CASP1: variants seen among roughly 807,000 people sequenced by gnomAD.
CASP1 encodes the protein caspase 1.
CASP1 carries 31 observed loss-of-function variants against 41.2 expected under a neutral mutation model. The ratio of observed to expected loss-of-function variants is 0.75; its 90% CI spans 0.57 to 1.02. The LOEUF is 1.02. CASP1 is among the 50% of genes least tolerant of loss of function. The probability of loss-of-function intolerance (pLI) is 0.00; values close to 1 mark genes in which losing one functional copy is unlikely to be tolerated. For missense variants in CASP1, 490 were observed against 495.7 expected (o/e 0.99, Z 0.11); for synonymous variants, 163 against 166.5 (o/e 0.98, Z 0.16).
At chr11:105,031,048 A>G (rs1863660081) in intron 4 of CASP1, 117 bp downstream of exon 4, 1 of 661,848 alleles carries the variant, frequency 1.5e-6, no homozygotes, top group East Asian at 2.7e-5. Flanking sequence ...GGGGAGCAGA[A>G]GTATGATTCT....
At chr11:105,035,795 T>C (rs112189204), upstream of CASP1, among the ~76,000 whole-genome samples, 34 of 152,156 alleles carry the variant, frequency 2.2e-4, no homozygotes, top group African/African-American at 8.2e-4. Context: ...TTTGTATCTC[T>C]TGTAAAGACA....
In CASP1 at chr11:105,027,240, G is replaced by A. The variant is rs558185653; in HGVS notation, c.1007-289C>T. The A allele has an allele frequency of 2.6e-5, 15 of 576,732 alleles. No homozygotes were observed. The South Asian group carries it at 2.6e-4, about 10-fold the overall frequency. 35.7% of individuals were successfully genotyped at this position (576,732 alleles called of 1,614,324 possible). On this transcript the variant is annotated intron_variant, in intron 7 of 8. Coordinates refer to ENST00000533400, the MANE Select transcript of CASP1 (RefSeq NM_001257118.3). Reference sequence around the variant, plus strand: ...GATGGTAATAACTCCATACACAAGAGGTATCTGAGGTCACGCAAGTGTTTG... The same window carrying A: ...GATGGTAATAACTCCATACACAAGAAGTATCTGAGGTCACGCAAGTGTTTG...
intron 5 of CASP1, 61 bp downstream of exon 5, chr11:105,030,269 C>A: frequency 7.2e-7 from 1 of 1,382,264 alleles, no homozygotes; most frequent in South Asian, 1.3e-5. Context: ...ACCAAGCTTT[C>A]TAATATTATT....
Position 105,034,256 on chromosome 11 carries a change from T to C in CASP1, c.226A>G (p.Ile76Val), listed in dbSNP as rs760041311. 3.1e-6 allele frequency: 5 copies of C among 1,614,130 alleles called. No homozygotes were observed. Among genetic ancestry groups the C allele is most frequent in the East Asian group, 4.5e-5 (2 of 44,864 alleles). Reference protein sequence around the residue: ...AQACQICITYICEEDSYLAGT... With the variant: ...AQACQICITYVCEEDSYLAGT... Reference sequence around the variant, plus strand: ...GCCAGGTAACTGTCTTCTTCACAAATGTATGTGATGCAAATTTGGCATGCC... The same window carrying C: ...GCCAGGTAACTGTCTTCTTCACAAACGTATGTGATGCAAATTTGGCATGCC... The change falls in exon 2 of 9, where the codon ATT becomes GTT. Residue 76 changes from isoleucine (I) to valine (V), a missense_variant. Physicochemically the swap from Ile to Val is conservative, Grantham distance 29. Transcript: ENST00000533400.
intron 7 of CASP1, among the ~76,000 whole-genome samples, chr11:105,027,513 A>C (rs1248655216): frequency 6.6e-6 from 1 of 152,100 alleles, no homozygotes; most frequent in African/African-American, 2.4e-5. Flanking sequence ...TATTAAAGAA[A>C]AATATTAATT....
At chr11:105,031,348 C>A in intron 3 of CASP1, 68 bp from the exon 4 acceptor site, 2 of 865,348 alleles carry the variant, frequency 2.3e-6, no homozygotes, top group South Asian at 1.4e-5. Context: ...TTGTTACAGC[C>A]TCACCTATGG....
intron 5 of CASP1, 110 bp from the exon 6 acceptor site, chr11:105,030,009 C>A: frequency 1.1e-6 from 1 of 877,680 alleles, no homozygotes; most frequent in Non-Finnish European, 1.8e-6. Context: ...CCGTGACAAA[C>A]AACAGGGTGC....
intron 7 of CASP1, among the ~76,000 whole-genome samples, chr11:105,027,370 A>T (rs912529554): frequency 8.5e-5 from 13 of 152,266 alleles, no homozygotes; most frequent in Admixed American, 2.0e-4. Flanking sequence ...AATAACATTG[A>T]CAGTAAGATA....
In CASP1 at chr11:105,029,771, G is replaced by T. The variant is rs775065436; in HGVS notation, c.756C>A (p.Val252=). 3.1e-6 allele frequency: 5 copies of T among 1,613,550 alleles called. No individual in the cohort carries two copies. Among genetic ancestry groups the T allele is most frequent in the Non-Finnish European group, 4.2e-6 (5 of 1,179,642 alleles). ...TTGCATTGAGTTGTAGTATATCTGG[G>T]ACTTGCTCAGAGTGTTTCTTCCCAC... ...GICGKKHSEQ[V]PDILQLNAIF... is the part of the protein sequence containing the mutation. Residue 252 remains valine (V), a synonymous_variant, in exon 6 of 9, where the codon GTC becomes GTA. Transcript: ENST00000533400.
At chr11:105,029,402 A>C in intron 6 of CASP1, 135 bp from the exon 7 acceptor site, 1 of 742,634 alleles carries the variant, frequency 1.3e-6, no homozygotes, top group Non-Finnish European at 2.2e-6. Context: ...CATGCATTTC[A>C]GTTACAATCT....
chr11:105,035,062 C>T (rs1863942520), intron 1 of CASP1, 45 bp downstream of exon 1: 2 of 1,612,038 alleles, frequency 1.2e-6, no homozygotes, highest in East Asian at 2.2e-5. Context: ...CCTTCCAAAA[C>T]TCTTTCTTCC....
chr11:105,035,292 A>C, upstream of CASP1: 1 of 810,188 alleles, frequency 1.2e-6, no homozygotes, highest in Non-Finnish European at 2.0e-6. Context: ...ATCCATGGGA[A>C]ATTTTCTTCA....
At chr11:105,036,173 TATAATTA>T (rs1864011263), upstream of CASP1, among the ~76,000 whole-genome samples, 4 of 152,184 alleles carry the variant, frequency 2.6e-5, no homozygotes, top group Non-Finnish European at 5.9e-5. Flanking sequence ...GTGATATTAT[TATAATTA>T]ATACAAATGT....
chr11:105,027,024 T>C (rs1220521877), intron 7 of CASP1, 73 bp from the exon 8 acceptor site: 2 of 857,704 alleles, frequency 2.3e-6, no homozygotes, highest in Middle Eastern at 2.2e-4. Flanking sequence ...CTAGTATTTA[T>C]ACTCCAGCTG....
chr11:105,030,045 A>T (rs1305844444), intron 5 of CASP1, 146 bp from the exon 6 acceptor site: 3 of 680,620 alleles, frequency 4.4e-6, no homozygotes, highest in African/African-American at 1.8e-5. Context: ...TCTTAGTTTC[A>T]AGAAAGGTGA....
chr11:105,036,608 C>G (rs2134877273), upstream of CASP1, among the ~76,000 whole-genome samples: 1 of 152,244 alleles, frequency 6.6e-6, no homozygotes, highest in East Asian at 1.9e-4. Flanking sequence ...TGCCTGCACC[C>G]ATGTAAGACG....
At chr11:105,035,434 G>T (rs941959206), upstream of CASP1, among the ~76,000 whole-genome samples, 9 of 152,100 alleles carry the variant, frequency 5.9e-5, no homozygotes, top group African/African-American at 2.2e-4. Context: ...ACGGAGAAAA[G>T]TAACACAACC....
chr11:105,029,510 C>A (rs972926044), intron 6 of CASP1, among the ~76,000 whole-genome samples, 155 bp downstream of exon 6: 2 of 152,046 alleles, frequency 1.3e-5, no homozygotes, highest in Non-Finnish European at 2.9e-5. Context: ...ATCTACCAAC[C>A]AGCCATTCAA....
chr11:105,029,349 A>C, intron 6 of CASP1, 82 bp from the exon 7 acceptor site: 1 of 1,199,556 alleles, frequency 8.3e-7, no homozygotes. Flanking sequence ...AATGATATTT[A>C]TTAATGTGTT....
Sources: gnomAD v4.1 joint callset for allele counts (sites outside exome capture counted in the v4.1 genomes callset) on GRCh38, gnomAD v4.1.1 for gene constraint, MANE v1.5 for transcripts, NCBI Gene and HGNC (gene_info 2026-07-23, HGNC 2026-07-21) for gene names.